Variants in CLVS1 observed in about 807,000 individuals in gnomAD.
The protein encoded by CLVS1 is clavesin-1.
A neutral mutation model predicts 33.1 loss-of-function variants in CLVS1; 10 were observed. The ratio of observed to expected loss-of-function variants is 0.30; its 90% confidence interval spans 0.19 to 0.51. CLVS1 has a LOEUF of 0.51. CLVS1 is among the 20% of genes least tolerant of loss of function. The probability of loss-of-function intolerance (pLI) is 0.97; values close to 1 mark genes in which losing one functional copy is unlikely to be tolerated. For synonymous variants in CLVS1, 163 were observed against 166.1 expected (o/e 0.98, Z 0.14); for missense variants, 343 against 433.4 (o/e 0.79, Z 1.85).
chr8:61,234,805 C>T (rs1808521673), intron 2 of CLVS1, among the ~76,000 whole-genome samples: 1 of 152,102 alleles, frequency 6.6e-6, no homozygotes, highest in South Asian at 2.1e-4. Context: ...AATGGGGATG[C>T]TCAGAGCTCA....
chr8:61,418,101 C>G (rs574438908), intron 3 of CLVS1, among the ~76,000 whole-genome samples: 13 of 152,322 alleles, frequency 8.5e-5, no homozygotes, highest in Middle Eastern at 3.4e-3. Context: ...TGCTACTGCC[C>G]CTGTCACCTG....
intron 5 of CLVS1, among the ~76,000 whole-genome samples, chr8:61,459,525 C>CA (rs1817291316): frequency 6.8e-6 from 1 of 147,126 alleles, no homozygotes; most frequent in African/African-American, 2.5e-5. Flanking sequence ...CCCAAGTCCC[C>CA]AAAGTCCATT....
chr8:61,429,026 T>C (rs1299615732), intron 3 of CLVS1, among the ~76,000 whole-genome samples: 2 of 152,144 alleles, frequency 1.3e-5, no homozygotes. Flanking sequence ...ACGGTAGAAA[T>C]TTATTTGGTT....
chr8:61,049,760 G>A, the CLVS1 span, among the ~76,000 whole-genome samples: 1 of 152,220 alleles, frequency 6.6e-6, no homozygotes, highest in Non-Finnish European at 1.5e-5. Flanking sequence ...AGATCCTTTG[G>A]TTTTCATGCA....
At chr8:61,317,910 A>G (rs1811066573) in intron 2 of CLVS1, among the ~76,000 whole-genome samples, 1 of 152,146 alleles carries the variant, frequency 6.6e-6, no homozygotes, top group South Asian at 2.1e-4. Context: ...ACTTGCAATG[A>G]AAGCCTGTGC....
the CLVS1 span, among the ~76,000 whole-genome samples, chr8:61,049,833 A>G: frequency 6.6e-6 from 1 of 152,196 alleles, no homozygotes; most frequent in Non-Finnish European, 1.5e-5. Context: ...TCTTTTTTTT[A>G]GGACTTAGTG....
At chr8:61,023,035 C>A in the CLVS1 span, among the ~76,000 whole-genome samples, 61 of 152,236 alleles carry the variant, frequency 4.0e-4, no homozygotes, top group African/African-American at 1.4e-3. Context: ...AATGTTGCAG[C>A]GCCCGAATTT....
intron 1 of CLVS1, among the ~76,000 whole-genome samples, chr8:61,094,949 A>G (rs113789190): frequency 0.011 from 1,746 of 152,272 alleles, 35 homozygotes; most frequent in African/African-American, 0.04. Context: ...TATAGAAGCT[A>G]TGTTTTCAAT....
At position 61,200,413 on chromosome 8, in the gene CLVS1, G is replaced by A. The variant is rs181811289; in HGVS notation, c.-152+68553G>A. Among the ~76,000 whole-genome samples the A allele has an allele frequency of 9.2e-5, 14 of 152,252 alleles. No homozygotes were observed. The East Asian group carries it at 2.7e-3, about 29-fold the overall frequency. On this transcript the variant is annotated intron_variant, in intron 2 of 2. Transcript: ENST00000522621. ...TGGGATTACAGGCGTGGGCCACCAC[G>A]GCCAGCCTACACTTACCATTAGTAA... is the stretch of plus-strand genomic sequence containing the variant.
At chr8:61,377,285 T>C (rs1227252479) in intron 3 of CLVS1, 1 of 152,292 alleles carries the variant, frequency 6.6e-6, no homozygotes, top group Non-Finnish European at 1.5e-5. Flanking sequence ...CTTATGAGGA[T>C]TTTGGAGAAG....
At chr8:60,973,030 C>T in the CLVS1 span, among the ~76,000 whole-genome samples, 4 of 152,280 alleles carry the variant, frequency 2.6e-5, no homozygotes, top group African/African-American at 9.6e-5. Context: ...GAGGGCTATG[C>T]CCAGAGCTGG....
chr8:61,376,821 C>T, intron 3 of CLVS1, 42 bp downstream of exon 3: 1 of 1,504,036 alleles, frequency 6.6e-7, no homozygotes, highest in South Asian at 1.4e-5. Flanking sequence ...TGTGTGGCAA[C>T]ATACTTTTTA....
chr8:61,359,132 C>G (rs555275768), intron 2 of CLVS1, among the ~76,000 whole-genome samples: 1 of 152,278 alleles, frequency 6.6e-6, no homozygotes. Flanking sequence ...TTTATTATGA[C>G]TGCTATTTAC....
intron 2 of CLVS1, among the ~76,000 whole-genome samples, chr8:61,135,398 T>G (rs1364697590): frequency 6.6e-6 from 1 of 152,162 alleles, no homozygotes; most frequent in Non-Finnish European, 1.5e-5. Context: ...GAGCGCTTGA[T>G]TCTATGTGGG....
intron 5 of CLVS1, 83 bp downstream of exon 5, chr8:61,458,625 A>G (rs1817251980): frequency 2.3e-6 from 2 of 888,704 alleles, no homozygotes; most frequent in Non-Finnish European, 3.4e-6. Flanking sequence ...ATTATTAATT[A>G]AAGACCTTTA....
At chr8:61,304,714 T>A (rs769090544) in intron 2 of CLVS1, among the ~76,000 whole-genome samples, 1 of 152,162 alleles carries the variant, frequency 6.6e-6, no homozygotes, top group Non-Finnish European at 1.5e-5. Flanking sequence ...TTGCACTTGG[T>A]CATAAGCCCA....
At chr8:61,483,878 GCT>G (rs1803764422) in intron 5 of CLVS1, among the ~76,000 whole-genome samples, 2 of 152,064 alleles carry the variant, frequency 1.3e-5, no homozygotes, top group Admixed American at 6.6e-5. Context: ...TGCAGAAAAG[GCT>G]CCGACAAAAT....
chr8:61,025,883 A>G, the CLVS1 span, among the ~76,000 whole-genome samples: 1 of 152,232 alleles, frequency 6.6e-6, no homozygotes, highest in Non-Finnish European at 1.5e-5. Flanking sequence ...AACACAGGCA[A>G]GAGCTAGCAT....
Position 61,499,669 on chromosome 8 carries a change from C to T in CLVS1, c.*127C>T, listed in dbSNP as rs1804492936. 2 of 583,378 alleles carry T rather than the reference C, an allele frequency of 3.4e-6. No individual in the cohort carries two copies. Among genetic ancestry groups the T allele is most frequent in the Admixed American group, 5.4e-5 (2 of 36,722 alleles). The allele number at this position is 583,378 out of a possible 1,614,324, so 36.1% of individuals were successfully genotyped here. ...TGACACAAGGTCCTCCACTCCTGAA[C>T]CCCTGCAGTGACTGTCACCAGCCAT... is the stretch of plus-strand genomic sequence containing the variant. On this transcript the variant is annotated 3_prime_UTR_variant, in exon 6 of 6. Transcript: ENST00000325897.
Sources: gnomAD v4.1 joint callset for allele counts (sites outside exome capture counted in the v4.1 genomes callset) on GRCh38, gnomAD v4.1.1 for gene constraint, MANE v1.5 for transcripts, NCBI Gene and HGNC (gene_info 2026-07-23, HGNC 2026-07-21) for gene names.